The following CRELD1 variants were observed in gnomAD, a reference collection of about 807,000 sequenced individuals.
The protein encoded by CRELD1 is protein disulfide isomerase CRELD1.
CRELD1 carries 42 observed loss-of-function variants against 58.2 expected under a neutral mutation model. The ratio of observed to expected loss-of-function variants is 0.72; its 90% confidence interval spans 0.56 to 0.93. The LOEUF (loss-of-function observed/expected upper bound fraction) is 0.93, where lower values mean the gene tolerates loss of function less well. CRELD1 is among the 40% of genes least tolerant of loss of function. The pLI, the probability that CRELD1 is intolerant of heterozygous loss-of-function variation, is 0.00. For missense variants in CRELD1, 500 were observed against 540.6 expected, an observed-to-expected ratio of 0.92 and a Z score of 0.74; for synonymous variants, 222 against 202.0, an observed-to-expected ratio of 1.10 and a Z score of -0.84.
rs36230194 is a variant in CRELD1 at position 9,936,551 on chromosome 3, GTATA to G, written c.258-997_258-994del. ...TATATATATGTGCGTATATATATGC[GTATA>G]TATATATATATATGTATATATTTGT... is the stretch of plus-strand genomic sequence containing the variant. On this transcript the variant is annotated intron_variant, in intron 3 of 10. Transcript: ENST00000452070. Among the ~76,000 whole-genome samples the G allele has an allele frequency of 4.6e-4, 69 of 148,542 alleles. 1 individual carries two copies. The highest frequency in any genetic ancestry group is 1.3e-3 in the South Asian group (6 of 4,702).
intron 5 of CRELD1, among the ~76,000 whole-genome samples, chr3:9,939,901 A>C (rs1275082030): frequency 1.4e-5 from 2 of 142,658 alleles, no homozygotes; most frequent in African/African-American, 5.2e-5. Flanking sequence ...ACTTCCCAGT[A>C]GGGGCAGCCG....
chr3:9,943,222 C>A, intron 9 of CRELD1, 50 bp downstream of exon 9: 1 of 1,591,088 alleles, frequency 6.3e-7, no homozygotes, highest in Non-Finnish European at 8.6e-7. Flanking sequence ...CCTCACCCAG[C>A]ATGAATGGTG....
chr3:9,942,300 G>C (rs538131161), intron 7 of CRELD1, among the ~76,000 whole-genome samples: 1 of 151,988 alleles, frequency 6.6e-6, no homozygotes, highest in South Asian at 2.1e-4. Flanking sequence ...CTAGAGGGTA[G>C]AGGTTTATTT....
chr3:9,933,861 A>G lies in CRELD1; in HGVS notation c.-79A>G. ...GCTGTGGCAGCGACGCGGTGAGGAG[A>G]CGGCCCACGGCGCCCGCGGGCTGGG... On this transcript the variant is annotated 5_prime_UTR_variant, in exon 1 of 11. Transcript: ENST00000452070. 1 of 491,310 alleles carries G rather than the reference A, an allele frequency of 2.0e-6. No individual in the cohort carries two copies. Among genetic ancestry groups the G allele is most frequent in the Admixed American group, 4.0e-5 (1 of 25,250 alleles). The allele number at this position is 491,310 out of a possible 1,614,324, so 30.4% of individuals were successfully genotyped here.
chr3:9,937,767 G>T, intron 4 of CRELD1, 95 bp downstream of exon 4: 1 of 913,358 alleles, frequency 1.1e-6, no homozygotes, highest in Non-Finnish European at 1.8e-6. Flanking sequence ...GCATGCTGGG[G>T]CCCATGTCCT....
rs536762497 is a variant in CRELD1, at chr3:9,945,055, C to T, written c.*476C>T. 2.0e-4 allele frequency: 40 copies of T among 198,676 alleles called. 2 individuals carry two copies. Among genetic ancestry groups the T allele is most frequent in the South Asian group, 8.4e-4 (9 of 10,670 alleles). The allele number at this position is 198,676 out of a possible 1,614,324, so 12.3% of individuals were successfully genotyped here. ...AAAGGCATCAGTCTTACTACCTGTC[C>T]CACCACCCCCACCTTAGGGAAATGT... On this transcript the variant is annotated 3_prime_UTR_variant, in exon 11 of 11. Coordinates refer to ENST00000452070, the MANE Select transcript of CRELD1 (RefSeq NM_001077415.3).
chr3:9,943,911 C>G, intron 10 of CRELD1: 1 of 1,582,604 alleles, frequency 6.3e-7, no homozygotes, highest in Non-Finnish European at 8.7e-7. Context: ...GGTGCATTCC[C>G]CATCTTAACT....
At position 9,944,751 on chromosome 3, in the gene CRELD1, G is replaced by A. The variant is rs564135093; in HGVS notation, c.*172G>A. 6 of 661,200 alleles carry A rather than the reference G, an allele frequency of 9.1e-6. No individual in the cohort carries two copies. The highest frequency in any genetic ancestry group is 1.6e-5 in the Non-Finnish European group (6 of 372,848). The allele number at this position is 661,200 out of a possible 1,614,324, so 41.0% of individuals were successfully genotyped here. On this transcript the variant is annotated 3_prime_UTR_variant, in exon 11 of 11. Coordinates refer to ENST00000452070, the MANE Select transcript of CRELD1 (RefSeq NM_001077415.3). Reference sequence around the variant, plus strand: ...CAGGCCCGGGCAGACAAGGCCCCTGGGGTAAAAAGTAGCCCTGAAGGTGGA... The same window carrying A: ...CAGGCCCGGGCAGACAAGGCCCCTGAGGTAAAAAGTAGCCCTGAAGGTGGA...
intron 5 of CRELD1, chr3:9,938,557 G>A (rs2085258610): frequency 5.8e-6 from 1 of 172,540 alleles, no homozygotes; most frequent in Admixed American, 5.9e-5. Context: ...GGCAAATTCA[G>A]TCTTTGTAAA....
chr3:9,941,207 G>T lies in CRELD1; in HGVS notation c.733+1G>T. ...GCCCTGCATCACCTCAAGTGTGTAG[G>T]TAAGTGGGGCCCTAGCTAGGTCTGG... On this transcript the variant is annotated splice_donor_variant, in intron 7 of 10. Coordinates refer to ENST00000452070, the MANE Select transcript of CRELD1 (RefSeq NM_001077415.3). LOFTEE classifies it high-confidence loss of function. 1 of 1,612,154 alleles carries T rather than the reference G, an allele frequency of 6.2e-7. No individual in the cohort carries two copies. Among genetic ancestry groups the T allele is most frequent in the South Asian group, 1.1e-5 (1 of 91,004 alleles).
chr3:9,943,820 G>T, intron 10 of CRELD1: 1 of 1,613,004 alleles, frequency 6.2e-7, no homozygotes. Context: ...CTAGGCCGGG[G>T]GTGTGGTGAG....
intron 10 of CRELD1, chr3:9,943,885 G>C: frequency 6.2e-7 from 1 of 1,609,830 alleles, no homozygotes; most frequent in South Asian, 1.1e-5. Flanking sequence ...CAATTACTGT[G>C]TCAGATGCTG....
Position 9,942,843 on chromosome 3 carries a change from A to G in CRELD1, c.764A>G (p.Asn255Ser). The G allele has an allele frequency of 3.1e-6, 5 of 1,614,120 alleles. No individual in the cohort carries two copies. Among genetic ancestry groups the G allele is most frequent in the South Asian group, 2.2e-5 (2 of 91,086 alleles). The change falls in exon 8 of 11, where the codon AAC becomes AGC. Residue 255 changes from asparagine to serine, a missense_variant. Coordinates refer to ENST00000452070, the MANE Select transcript of CRELD1 (RefSeq NM_001077415.3). ...DIDECGTEGA[N>S]CGADQFCVNT... ...GATGAGTGTGGCACAGAGGGAGCCA[A>G]CTGTGGAGCTGACCAATTCTGCGTG...
At chr3:9,936,214 T>C (rs917855761) in intron 3 of CRELD1, 1 of 152,184 alleles carries the variant, frequency 6.6e-6, no homozygotes, top group Admixed American at 6.5e-5. Context: ...TGGAAAAGGC[T>C]TAACTGGGAT....
intron 9 of CRELD1, 69 bp downstream of exon 9, chr3:9,943,241 G>T: frequency 6.3e-7 from 1 of 1,589,764 alleles, no homozygotes; most frequent in Non-Finnish European, 8.6e-7. Context: ...TGAAGAGGCT[G>T]GAATATGGGC....
Position 9,945,002 on chromosome 3 carries a change from G to T in CRELD1, c.*423G>T. ...CATTGCCACTTATTTATTCATCTCA[G>T]GAAATAAAGAAAGGTCTTGGAAAGT... On this transcript the variant is annotated 3_prime_UTR_variant, in exon 11 of 11. Coordinates refer to ENST00000452070, the MANE Select transcript of CRELD1 (RefSeq NM_001077415.3). 4.0e-6 allele frequency: 1 copy of T among 250,588 alleles called. No homozygotes were observed. Among genetic ancestry groups the T allele is most frequent in the South Asian group, 5.3e-5 (1 of 18,974 alleles). The allele number at this position is 250,588 out of a possible 1,614,324, so 15.5% of individuals were successfully genotyped here. A position where few individuals can be genotyped will look rare whatever the true frequency, so the allele number is the denominator to read the frequency against.
At chr3:9,937,430 T>C (rs2085224919) in intron 3 of CRELD1, 132 bp from the exon 4 acceptor site, 2 of 695,950 alleles carry the variant, frequency 2.9e-6, no homozygotes. Context: ...CCCAGAACCA[T>C]GACCCCTTCC....
At chr3:9,942,408 T>C (rs1461567297) in intron 7 of CRELD1, among the ~76,000 whole-genome samples, 1 of 152,178 alleles carries the variant, frequency 6.6e-6, no homozygotes, top group Non-Finnish European at 1.5e-5. Context: ...TCCTGTAACT[T>C]ACTGCACAAT....
At position 9,942,630 on chromosome 3, in the gene CRELD1, G is replaced by A. The variant is rs61351734; in HGVS notation, c.734-183G>A. On this transcript the variant is annotated intron_variant, in intron 7 of 10. Transcript: ENST00000452070. ...AGGGACACACTTAGCTTCAAGACAG[G>A]TTGGCAAATGTGGTCTCTGGCTGGG... 8.9e-3 allele frequency among the ~76,000 whole-genome samples: 1,350 copies of A among 152,324 alleles called. 25 individuals are homozygous for A. Among genetic ancestry groups the A allele is most frequent in the African/African-American group, 0.031 (1,270 of 41,570 alleles).
Sources: gnomAD v4.1 joint callset for allele counts (sites outside exome capture counted in the v4.1 genomes callset) on GRCh38, gnomAD v4.1.1 for gene constraint, MANE v1.5 for transcripts, NCBI Gene and HGNC (gene_info 2026-07-23, HGNC 2026-07-21) for gene names.